The following AASDH variants were observed in gnomAD, a reference collection of about 807,000 sequenced individuals.
AASDH encodes aminoadipate-semialdehyde dehydrogenase.
Under a neutral mutation model 102.3 loss-of-function variants are expected in AASDH, and 81 were observed. That is an observed-to-expected ratio of 0.79 (90% confidence interval 0.66 to 0.95). The LOEUF (loss-of-function observed/expected upper bound fraction) is 0.95. Ranked by LOEUF, AASDH falls within the 40% of genes least tolerant of loss-of-function variation. AASDH has a pLI of 0.00. For missense variants in AASDH, 1,203 were observed against 1,266.2 expected (o/e 0.95, Z 0.76); for synonymous variants, 398 against 454.0 (o/e 0.88, Z 1.57).
intron 4 of AASDH, among the ~76,000 whole-genome samples, chr4:56,373,459 G>A (rs76674934): frequency 0.1 from 15,841 of 152,044 alleles, 1,043 homozygotes; most frequent in East Asian, 0.25. Context: ...TTTTATGACT[G>A]TCTTTGAGGG....
chr4:56,380,722 G>A (rs1001322607), intron 3 of AASDH, among the ~76,000 whole-genome samples: 1 of 152,130 alleles, frequency 6.6e-6, no homozygotes, highest in Non-Finnish European at 1.5e-5. Context: ...CGTAGTGCAA[G>A]GTTTCTCAAC....
At chr4:56,365,667 C>T (rs1430401114) in intron 5 of AASDH, among the ~76,000 whole-genome samples, 1 of 152,088 alleles carries the variant, frequency 6.6e-6, no homozygotes, top group Non-Finnish European at 1.5e-5. Flanking sequence ...TTCTTTGAAA[C>T]CAACGAGAAC....
chr4:56,371,419 T>TA, intron 5 of AASDH, 32 bp downstream of exon 5: 1 of 1,554,258 alleles, frequency 6.4e-7, no homozygotes, highest in South Asian at 1.2e-5. Flanking sequence ...TGAAAAATGA[T>TA]AAACAAAACG....
At chr4:56,343,813 T>C in intron 12 of AASDH, 129 bp from the exon 13 acceptor site, 1 of 888,304 alleles carries the variant, frequency 1.1e-6, no homozygotes, top group Non-Finnish European at 1.6e-6. Context: ...ACATGCCTAC[T>C]GTGGAGAATC....
Position 56,364,850 on chromosome 4 carries a change from T to A in AASDH, c.861+6601A>T, listed in dbSNP as rs200977464. Among the ~76,000 whole-genome samples, 50 of 152,232 alleles carry A rather than the reference T, an allele frequency of 3.3e-4. 1 individual carries two copies. The East Asian group carries it at 8.9e-3, about 27-fold the overall frequency. On this transcript the variant is annotated intron_variant, in intron 5 of 14. Transcript: ENST00000205214. ...ACCAGCTAACATCATAATGACAGGA[T>A]CAAATTCACACATAACAATATTAAC...
At chr4:56,383,950 A>T (rs1190433208) in intron 2 of AASDH, 120 bp downstream of exon 2, 1 of 772,484 alleles carries the variant, frequency 1.3e-6, no homozygotes, top group Non-Finnish European at 2.1e-6. Context: ...GTCTCTCTAC[A>T]ATTGACCAAA....
At chr4:56,378,935 G>A (rs1035302380) in intron 3 of AASDH, among the ~76,000 whole-genome samples, 87 of 151,768 alleles carry the variant, frequency 5.7e-4, no homozygotes, top group Admixed American at 1.4e-3. Flanking sequence ...CCAGGCTGGA[G>A]TGCAGTGGCG....
intron 14 of AASDH, 146 bp from the exon 15 acceptor site, chr4:56,338,937 A>AAAGT (rs886833323): frequency 1.3e-6 from 1 of 768,600 alleles, no homozygotes; most frequent in Admixed American, 3.0e-5. Flanking sequence ...CTTTTTCTGA[A>AAAGT]AAGTAGCACT....
At chr4:56,380,788 C>A (rs1289683781) in intron 3 of AASDH, among the ~76,000 whole-genome samples, 1 of 152,186 alleles carries the variant, frequency 6.6e-6, no homozygotes, top group African/African-American at 2.4e-5. Flanking sequence ...CTGTCTTATA[C>A]ACTGTAGGAT....
chr4:56,340,397 AAG>A (rs1560559644), intron 14 of AASDH, among the ~76,000 whole-genome samples: 1 of 152,212 alleles, frequency 6.6e-6, no homozygotes, highest in Non-Finnish European at 1.5e-5. Context: ...AGTTTTGAGA[AAG>A]ATGTCAAAAA....
rs772779965 is a variant in AASDH at position 56,349,928 on chromosome 4, G to C, written c.1823C>G (p.Pro608Arg). ...GCTGAGAATAATTTCCAGAAGCCCA[G>C]GTACTGATGTACCAACAAGTTTTTC... ...EIEKLVGTSV[P>R]GLLEIILSSS... is the part of the protein sequence containing the mutation. Residue 608 changes from proline to arginine, a missense_variant, in exon 11 of 15, where the codon CCT becomes CGT. Pro to Arg is a moderately radical substitution (Grantham distance 103). Coordinates refer to ENST00000205214, the MANE Select transcript of AASDH (RefSeq NM_181806.4). 5 of 1,613,998 alleles carry C rather than the reference G, an allele frequency of 3.1e-6. No individual in the cohort carries two copies. Among genetic ancestry groups the C allele is most frequent in the Non-Finnish European group, 3.4e-6 (4 of 1,180,020 alleles).
chr4:56,349,431 C>T lies in AASDH; in HGVS notation c.2320G>A (p.Val774Ile), dbSNP rs3796545. 115 of 1,614,030 alleles carry T rather than the reference C, an allele frequency of 7.1e-5. 1 individual carries two copies. In the East Asian group the frequency reaches 2.5e-3, roughly 36 times the overall value. Reference sequence around the variant, plus strand: ...GATGACTTATCAAAAGTGGGTATTACAACCAGCGGTGAAGCATCTACACAT... The same window carrying T: ...GATGACTTATCAAAAGTGGGTATTATAACCAGCGGTGAAGCATCTACACAT... ...GKCVDASPLV[V>I]IPTFDKSSTT... The change falls in exon 11 of 15, where the codon GTA (valine) becomes ATA (isoleucine). Residue 774 changes from valine (V) to isoleucine (I), a missense_variant. Coordinates refer to ENST00000205214, the MANE Select transcript of AASDH (RefSeq NM_181806.4).
intron 10 of AASDH, among the ~76,000 whole-genome samples, chr4:56,350,866 T>G (rs1488738342): frequency 6.6e-6 from 1 of 152,206 alleles, no homozygotes; most frequent in Non-Finnish European, 1.5e-5. Flanking sequence ...AAATCTACAT[T>G]TTATTTAAGA....
At chr4:56,341,827 G>C (rs1340180068) in intron 14 of AASDH, among the ~76,000 whole-genome samples, 1 of 151,918 alleles carries the variant, frequency 6.6e-6, no homozygotes, top group Admixed American at 6.6e-5. Context: ...ATTAGAAGTT[G>C]GGGGCCGGGC....
rs763991589 is a variant in AASDH at position 56,354,746 on chromosome 4, T to C, written c.1169A>G (p.Asn390Ser). Residue 390 changes from asparagine (N) to serine (S), a missense_variant, in exon 7 of 15, where the codon AAT becomes AGT. By Grantham distance (46) the Asn-to-Ser change is conservative. Transcript: ENST00000205214. ...LGTVVEVRDT[N>S]GFTIQEGSGQ... ...ACTGCCTTCCTGAATTGTGAAGCCATTAGTATCTCTGACTTCAACTACTGT... is the reference window on the plus strand; with the variant it reads ...ACTGCCTTCCTGAATTGTGAAGCCACTAGTATCTCTGACTTCAACTACTGT... The C allele has an allele frequency of 6.2e-7, 1 of 1,611,124 alleles. No homozygotes were observed. The highest frequency in any genetic ancestry group is 1.1e-5 in the South Asian group (1 of 90,384).
chr4:56,382,668 T>A (rs1753119178), intron 2 of AASDH, 71 bp from the exon 3 acceptor site: 1 of 1,504,020 alleles, frequency 6.6e-7, no homozygotes, highest in South Asian at 1.3e-5. Flanking sequence ...TTTCTATTTC[T>A]CTATGCACTT....
Position 56,356,546 on chromosome 4 carries a change from A to G in AASDH, c.862-1123T>C, listed in dbSNP as rs1749662961. The G allele has an allele frequency of 3.3e-5, 27 of 821,098 alleles. 1 individual carries two copies. The South Asian group carries it at 3.5e-4, about 11-fold the overall frequency. 50.9% of individuals were successfully genotyped at this position (821,098 alleles called of 1,614,324 possible). A position where few individuals can be genotyped will look rare whatever the true frequency, so the allele number is the denominator to read the frequency against. On this transcript the variant is annotated intron_variant, in intron 5 of 14. Transcript: ENST00000205214. ...GTAAGAGACCACCTGTCCTTCGAGCAGGAGTTAACACCATCAACACCTTGG... is the reference window on the plus strand; with the variant it reads ...GTAAGAGACCACCTGTCCTTCGAGCGGGAGTTAACACCATCAACACCTTGG...
chr4:56,379,119 C>A (rs1204971533), intron 3 of AASDH, among the ~76,000 whole-genome samples: 1 of 151,970 alleles, frequency 6.6e-6, no homozygotes, highest in Admixed American at 6.6e-5. Context: ...GATCTCTTGA[C>A]CTCATGATCC....
chr4:56,348,606 C>T (rs7693137), intron 11 of AASDH, among the ~76,000 whole-genome samples: 96,530 of 151,928 alleles, frequency 0.64, 30,763 homozygotes, highest in Admixed American at 0.71. Flanking sequence ...TGGTATGGAA[C>T]TTGGAACGCT....
Sources: allele counts gnomAD v4.1 joint callset (sites outside exome capture counted in the v4.1 genomes callset), GRCh38; gene constraint gnomAD v4.1.1; transcripts MANE v1.5; gene names NCBI Gene and HGNC (gene_info 2026-07-23, HGNC 2026-07-21).